Variants in PAPSS2 observed in about 807,000 individuals in gnomAD.
The protein encoded by PAPSS2 is bifunctional 3'-phosphoadenosine 5'-phosphosulfate synthase 2.
A neutral mutation model predicts 66.5 loss-of-function variants in PAPSS2; 61 were observed. That is an observed-to-expected ratio of 0.92 (90% confidence interval 0.75 to 1.14). The LOEUF (loss-of-function observed/expected upper bound fraction) is 1.14. PAPSS2 is among the 50% of genes most tolerant of loss of function. The pLI is 0.00. For synonymous variants in PAPSS2, 289 were observed against 287.5 expected, an observed-to-expected ratio of 1.01 and a Z score of -0.05; for missense variants, 708 against 789.6, an observed-to-expected ratio of 0.90 and a Z score of 1.24.
chr10:87,685,179 T>G (rs1488557296), intron 1 of PAPSS2, among the ~76,000 whole-genome samples: 1 of 152,194 alleles, frequency 6.6e-6, no homozygotes, highest in Non-Finnish European at 1.5e-5. Flanking sequence ...AAAGCCAAAT[T>G]AACCCCAGAG....
intron 1 of PAPSS2, among the ~76,000 whole-genome samples, chr10:87,697,084 T>A (rs7070592): frequency 0.053 from 8,083 of 152,310 alleles, 578 homozygotes; most frequent in African/African-American, 0.17. Context: ...TCTCCTTAGG[T>A]TCCTCTTGGC....
At position 87,746,814 on chromosome 10, in the gene PAPSS2, A is replaced by G. The variant is rs1853947273; in HGVS notation, c.*844A>G. 6.6e-6 allele frequency: 1 copy of G among 152,218 alleles called. No homozygotes were observed. The highest frequency in any genetic ancestry group is 2.4e-5 in the African/African-American group (1 of 41,454). The allele number at this position is 152,218 out of a possible 1,614,324, so 9.4% of individuals were successfully genotyped here. ...ATGCAGCAGCAGCGCCAGCTGTAAT[A>G]AAAAATAATTCACACTATCAGACTA... is the stretch of plus-strand genomic sequence containing the variant. On this transcript the variant is annotated 3_prime_UTR_variant, in exon 13 of 13. Transcript: ENST00000456849.
At chr10:87,740,466 C>T (rs1219553232) in intron 9 of PAPSS2, among the ~76,000 whole-genome samples, 1 of 152,112 alleles carries the variant, frequency 6.6e-6, no homozygotes, top group Non-Finnish European at 1.5e-5. Flanking sequence ...GCACAGTGAA[C>T]TAATAGTTTC....
In PAPSS2 at chr10:87,727,459, G is replaced by T; in HGVS notation, c.1056G>T (p.Gly352=). The change falls in exon 9 of 13, where the codon GGG becomes GGT. Residue 352 remains glycine, a synonymous_variant. Transcript: ENST00000456849. ...RKEERCSRVW[G]TTCTKHPHIK... ...AGGAACGCTGTTCCCGTGTTTGGGG[G>T]ACAACATGTACAAAACACCCCCATA... 6.2e-7 allele frequency: 1 copy of T among 1,613,582 alleles called. No homozygotes were observed. The highest frequency in any genetic ancestry group is 1.1e-5 in the South Asian group (1 of 91,008).
intron 1 of PAPSS2, among the ~76,000 whole-genome samples, chr10:87,662,521 CCA>C (rs1852764551): frequency 6.6e-6 from 1 of 152,072 alleles, no homozygotes; most frequent in Admixed American, 6.6e-5. Flanking sequence ...TTCATCATTT[CCA>C]CCCCTCACTT....
At chr10:87,690,157 A>G (rs977653278) in intron 1 of PAPSS2, among the ~76,000 whole-genome samples, 1 of 152,214 alleles carries the variant, frequency 6.6e-6, no homozygotes, top group Non-Finnish European at 1.5e-5. Flanking sequence ...AATTATTGCA[A>G]TGTTTGTAAT....
intron 1 of PAPSS2, among the ~76,000 whole-genome samples, chr10:87,683,132 C>T (rs1184068732): frequency 6.9e-6 from 1 of 145,118 alleles, no homozygotes; most frequent in East Asian, 2.0e-4. Context: ...GGTTTGTCCC[C>T]TAGGCACTGG....
intron 1 of PAPSS2, among the ~76,000 whole-genome samples, chr10:87,705,199 G>T (rs955634621): frequency 1.3e-5 from 2 of 152,102 alleles, no homozygotes; most frequent in African/African-American, 4.8e-5. Flanking sequence ...TTTGGATAAG[G>T]CTTCTTTGAC....
chr10:87,730,171 G>T (rs1300826548), intron 9 of PAPSS2, among the ~76,000 whole-genome samples: 1 of 152,176 alleles, frequency 6.6e-6, no homozygotes, highest in African/African-American at 2.4e-5. Context: ...TTTGCCCCCT[G>T]AAGTTTTGCT....
At chr10:87,668,592 C>T (rs184555339) in intron 1 of PAPSS2, among the ~76,000 whole-genome samples, 1 of 151,946 alleles carries the variant, frequency 6.6e-6, no homozygotes, top group East Asian at 1.9e-4. Context: ...TCTTACATTT[C>T]CTCATTCATT....
intron 9 of PAPSS2, among the ~76,000 whole-genome samples, chr10:87,730,116 A>G (rs984326648): frequency 2.0e-5 from 3 of 152,366 alleles, no homozygotes; most frequent in African/African-American, 7.2e-5. Context: ...ATAAGAAAAC[A>G]AAGCAGCCTT....
chr10:87,662,577 A>T (rs1852765946), intron 1 of PAPSS2, among the ~76,000 whole-genome samples: 2 of 116,832 alleles, frequency 1.7e-5, no homozygotes, highest in Non-Finnish European at 3.3e-5. Flanking sequence ...CCCTATACAC[A>T]CACATAGACA....
At chr10:87,729,889 G>T (rs1459907788) in intron 9 of PAPSS2, among the ~76,000 whole-genome samples, 1 of 152,120 alleles carries the variant, frequency 6.6e-6, no homozygotes, top group Non-Finnish European at 1.5e-5. Flanking sequence ...CCAGCTACTT[G>T]GGAGCTTGAG....
chr10:87,720,210 A>T (rs1243122935), intron 7 of PAPSS2, among the ~76,000 whole-genome samples: 1 of 152,068 alleles, frequency 6.6e-6, no homozygotes, highest in African/African-American at 2.4e-5. Flanking sequence ...TAAACCAGAT[A>T]ATTCTTTATT....
At chr10:87,738,942 T>C (rs545456560) in intron 9 of PAPSS2, among the ~76,000 whole-genome samples, 1 of 152,306 alleles carries the variant, frequency 6.6e-6, no homozygotes, top group South Asian at 2.1e-4. Context: ...TATCAGAAAA[T>C]ATGATTTTCA....
chr10:87,721,597 T>TA (rs536910485), intron 7 of PAPSS2, among the ~76,000 whole-genome samples, 159 bp from the exon 8 acceptor site: 32 of 152,352 alleles, frequency 2.1e-4, no homozygotes, highest in South Asian at 1.2e-3. Flanking sequence ...TTTGCTATTA[T>TA]ATACTCTCTA....
At chr10:87,660,150 G>C in intron 1 of PAPSS2, 142 bp downstream of exon 1, 1 of 833,974 alleles carries the variant, frequency 1.2e-6, no homozygotes, top group East Asian at 2.7e-5. Context: ...ACGGAGGGAA[G>C]CAAGAGAAAG....
intron 2 of PAPSS2, among the ~76,000 whole-genome samples, chr10:87,710,543 G>T (rs1346073210): frequency 6.6e-6 from 1 of 152,124 alleles, no homozygotes; most frequent in African/African-American, 2.4e-5. Flanking sequence ...CAACTTTCGT[G>T]TTGGGCTATA....
intron 2 of PAPSS2, among the ~76,000 whole-genome samples, chr10:87,711,502 C>G (rs1382131282): frequency 6.6e-6 from 1 of 152,160 alleles, no homozygotes; most frequent in Non-Finnish European, 1.5e-5. Context: ...TTCAGGAGTG[C>G]CACTTCCCCT....
Sources: allele counts gnomAD v4.1 joint callset (sites outside exome capture counted in the v4.1 genomes callset), GRCh38; gene constraint gnomAD v4.1.1; transcripts MANE v1.5; gene names NCBI Gene and HGNC (gene_info 2026-07-23, HGNC 2026-07-21).